The following KCNIP4 variants were observed in gnomAD, a reference collection of about 807,000 sequenced individuals.
KCNIP4 encodes potassium voltage-gated channel interacting protein 4.
KCNIP4 carries 12 observed loss-of-function variants against 34.0 expected under a neutral mutation model. The ratio of observed to expected loss-of-function variants is 0.35; its 90% CI spans 0.23 to 0.57. The LOEUF is 0.57. Ranked by LOEUF, KCNIP4 falls within the 20% of genes least tolerant of loss-of-function variation. KCNIP4 has a pLI of 0.83. For missense variants in KCNIP4, 238 were observed against 311.7 expected, an observed-to-expected ratio of 0.76 and a Z score of 1.78; for synonymous variants, 124 against 102.2, an observed-to-expected ratio of 1.21 and a Z score of -1.29.
At chr4:20,875,351 C>T (rs746823122) in intron 2 of KCNIP4, among the ~76,000 whole-genome samples, 1 of 152,138 alleles carries the variant, frequency 6.6e-6, no homozygotes, top group Non-Finnish European at 1.5e-5. Flanking sequence ...TTAAATAATC[C>T]CTCATACCTC....
At chr4:21,227,602 T>C (rs2109014085) in intron 1 of KCNIP4, among the ~76,000 whole-genome samples, 1 of 152,232 alleles carries the variant, frequency 6.6e-6, no homozygotes, top group East Asian at 1.9e-4. Flanking sequence ...GTCTGTTCAT[T>C]TATCTTAAGT....
At chr4:20,885,122 G>T (rs190328261) in intron 1 of KCNIP4, among the ~76,000 whole-genome samples, 1 of 152,080 alleles carries the variant, frequency 6.6e-6, no homozygotes, top group African/African-American at 2.4e-5. Flanking sequence ...AGCTAACTTT[G>T]GGAGAAATTT....
chr4:21,871,258 C>T (rs1363177932), intron 1 of KCNIP4, among the ~76,000 whole-genome samples: 5 of 120,658 alleles, frequency 4.1e-5, no homozygotes, highest in South Asian at 3.8e-4. Flanking sequence ...CCCCTCCCCG[C>T]TCCCCACCTC....
chr4:21,074,792 TC>T (rs1235662714), intron 1 of KCNIP4, among the ~76,000 whole-genome samples: 1 of 152,220 alleles, frequency 6.6e-6, no homozygotes, highest in Non-Finnish European at 1.5e-5. Flanking sequence ...TAAATTTCCC[TC>T]TACACACTGC....
rs111362353 is a variant in KCNIP4 at position 21,063,374 on chromosome 4, T to A, written c.62-180665A>T. Among the ~76,000 whole-genome samples, 614 of 152,282 alleles carry A rather than the reference T, an allele frequency of 4.0e-3. 1 individual carries two copies. Among genetic ancestry groups the A allele is most frequent in the African/African-American group, 0.014 (566 of 41,568 alleles). Reference sequence around the variant, plus strand: ...GTAAACAAACCCTGCTACTTGCCATTTGGGGTTAGGGGAGTAAGCTATGTC... The same window carrying A: ...GTAAACAAACCCTGCTACTTGCCATATGGGGTTAGGGGAGTAAGCTATGTC... On this transcript the variant is annotated intron_variant, in intron 1 of 8. Coordinates refer to ENST00000382152, the MANE Select transcript of KCNIP4 (RefSeq NM_025221.6).
At chr4:21,070,218 AGTTT>A (rs911650134) in intron 1 of KCNIP4, among the ~76,000 whole-genome samples, 1 of 152,152 alleles carries the variant, frequency 6.6e-6, no homozygotes, top group Admixed American at 6.6e-5. Flanking sequence ...GATGTACCAG[AGTTT>A]GTTTAACTGC....
intron 1 of KCNIP4, among the ~76,000 whole-genome samples, chr4:20,972,475 A>T (rs955755243): frequency 1.3e-5 from 2 of 152,120 alleles, no homozygotes; most frequent in African/African-American, 4.8e-5. Flanking sequence ...GAACTCCTGG[A>T]CAAGCAGGTG....
At chr4:21,632,981 A>G (rs1299630066) in intron 1 of KCNIP4, among the ~76,000 whole-genome samples, 1 of 152,166 alleles carries the variant, frequency 6.6e-6, no homozygotes, top group African/African-American at 2.4e-5. Flanking sequence ...TTTTGTATCT[A>G]TTTCTAAACG....
chr4:20,821,168 A>C (rs948877797), intron 3 of KCNIP4, among the ~76,000 whole-genome samples: 2 of 152,082 alleles, frequency 1.3e-5, no homozygotes, highest in African/African-American at 4.8e-5. Context: ...TTGGGTCCCA[A>C]CCCCCACTCA....
chr4:21,204,777 C>G (rs1264978308), intron 1 of KCNIP4, among the ~76,000 whole-genome samples: 2 of 152,188 alleles, frequency 1.3e-5, no homozygotes, highest in East Asian at 1.9e-4. Flanking sequence ...CATACAGGAT[C>G]CCTCCTCATT....
chr4:20,779,813 A>G (rs1384282791), intron 3 of KCNIP4, among the ~76,000 whole-genome samples: 2 of 152,128 alleles, frequency 1.3e-5, no homozygotes, highest in Non-Finnish European at 2.9e-5. Flanking sequence ...ACAGTGGTGC[A>G]GCCACAAGCC....
At chr4:21,690,125 A>T (rs899726400) in intron 1 of KCNIP4, among the ~76,000 whole-genome samples, 1 of 146,186 alleles carries the variant, frequency 6.8e-6, no homozygotes, top group Middle Eastern at 3.6e-3. Flanking sequence ...TTATATATAT[A>T]TTTTATATTA....
At chr4:21,827,944 A>G (rs1235153266) in intron 1 of KCNIP4, among the ~76,000 whole-genome samples, 1 of 151,478 alleles carries the variant, frequency 6.6e-6, no homozygotes, top group Non-Finnish European at 1.5e-5. Flanking sequence ...TATTTCTCAT[A>G]TACAAAATTT....
At chr4:21,323,178 A>G (rs1445762216) in intron 1 of KCNIP4, among the ~76,000 whole-genome samples, 2 of 148,310 alleles carry the variant, frequency 1.3e-5, no homozygotes, top group Admixed American at 6.7e-5. Context: ...ATATATATGG[A>G]ATACATGAGA....
chr4:21,104,064 T>C (rs1748241415), intron 1 of KCNIP4, among the ~76,000 whole-genome samples: 1 of 152,066 alleles, frequency 6.6e-6, no homozygotes, highest in Non-Finnish European at 1.5e-5. Flanking sequence ...TGTCTCTTTA[T>C]AGCAGCATGA....
intron 1 of KCNIP4, among the ~76,000 whole-genome samples, chr4:21,763,514 A>G (rs1718197798): frequency 6.6e-6 from 1 of 152,166 alleles, no homozygotes; most frequent in African/African-American, 2.4e-5. Flanking sequence ...GAAAAGCCTT[A>G]GCTAGTATTA....
intron 1 of KCNIP4, among the ~76,000 whole-genome samples, chr4:21,334,912 ACT>A (rs1716024127): frequency 6.6e-6 from 1 of 151,912 alleles, no homozygotes; most frequent in Non-Finnish European, 1.5e-5. Flanking sequence ...CAGTTGACAG[ACT>A]CTGGAGTTGT....
chr4:21,541,016 C>G (rs1209263131), intron 1 of KCNIP4, among the ~76,000 whole-genome samples: 5 of 151,546 alleles, frequency 3.3e-5, no homozygotes, highest in Admixed American at 2.0e-4. Flanking sequence ...ACTAAAAATA[C>G]AAAAATTTGC....
chr4:21,871,463 T>C (rs1269283093), intron 1 of KCNIP4, among the ~76,000 whole-genome samples: 2 of 151,534 alleles, frequency 1.3e-5, no homozygotes, highest in Non-Finnish European at 2.9e-5. Flanking sequence ...TATGCAGCCA[T>C]ATAAAAGGAT....
Sources: gnomAD v4.1 joint callset for allele counts (sites outside exome capture counted in the v4.1 genomes callset) on GRCh38, gnomAD v4.1.1 for gene constraint, MANE v1.5 for transcripts, NCBI Gene and HGNC (gene_info 2026-07-23, HGNC 2026-07-21) for gene names.